The following TEX10 variants were observed in gnomAD, a reference collection of about 807,000 sequenced individuals.
TEX10 encodes testis-expressed protein 10.
TEX10 carries 24 observed loss-of-function variants against 104.4 expected under a neutral mutation model. The ratio of observed to expected loss-of-function variants is 0.23; its 90% CI spans 0.17 to 0.32. The LOEUF (loss-of-function observed/expected upper bound fraction) is 0.32. TEX10 is among the 10% of genes least tolerant of loss of function. The pLI, the probability that TEX10 is intolerant of heterozygous loss-of-function variation, is 1.00. For synonymous variants in TEX10, 396 were observed against 393.4 expected (o/e 1.01, Z -0.08); for missense variants, 921 against 1,083.9 (o/e 0.85, Z 2.11).
chr9:100,309,716 G>A (rs192560158), intron 12 of TEX10, among the ~76,000 whole-genome samples: 27 of 152,342 alleles, frequency 1.8e-4, no homozygotes, highest in African/African-American at 6.0e-4. Flanking sequence ...TGGGAGCCCT[G>A]CTTTGTACTA....
Position 100,302,258 on chromosome 9 carries a change from T to C in TEX10, c.2723A>G (p.His908Arg), listed in dbSNP as rs763136487. The C allele has an allele frequency of 3.7e-6, 6 of 1,613,726 alleles. No individual in the cohort carries two copies. In the Admixed American group the frequency reaches 6.7e-5, roughly 18 times the overall value. The change falls in exon 15 of 15, where the codon CAT becomes CGT. Residue 908 changes from histidine to arginine, a missense_variant. This residue lies in a region of TEX10 where 753 missense variants were observed against 868.4 expected (regional missense o/e 0.87). Coordinates refer to ENST00000374902, the MANE Select transcript of TEX10 (RefSeq NM_017746.4). ...AGTGATATACACGTTGAAGCAGTAATGTAAGTCTGTGAGCCACTGTTCCTG... is the reference window on the plus strand; with the variant it reads ...AGTGATATACACGTTGAAGCAGTAACGTAAGTCTGTGAGCCACTGTTCCTG... ...SVQEQWLTDL[H>R]YCFNVYITGH...
In TEX10 at chr9:100,303,852, CAG is replaced by C. The variant is rs750141035; in HGVS notation, c.2466-12_2466-11del. On this transcript the variant is annotated splice_polypyrimidine_tract_variant and intron_variant, in intron 13 of 14. Transcript: ENST00000374902. The stretch of plus-strand genomic sequence containing the variant: ...CCCCCACAGCTTGTCCCTACAATAA[CAG>C]AGACAGAAATGAGTCAGTGAGCAAA... 1 of 1,613,466 alleles carries C rather than the reference CAG, an allele frequency of 6.2e-7. No individual in the cohort carries two copies. The highest frequency in any genetic ancestry group is 8.5e-7 in the Non-Finnish European group (1 of 1,179,836).
At chr9:100,333,973 C>T (rs926478130) in intron 5 of TEX10, among the ~76,000 whole-genome samples, 2 of 151,686 alleles carry the variant, frequency 1.3e-5, no homozygotes, top group African/African-American at 4.8e-5. Context: ...CAACTGAATA[C>T]AACTAAAGAA....
chr9:100,317,827 G>T (rs1834460884), intron 11 of TEX10, among the ~76,000 whole-genome samples: 1 of 152,086 alleles, frequency 6.6e-6, no homozygotes, highest in South Asian at 2.1e-4. Context: ...AAAAGGATAT[G>T]AATGGGTATT....
At chr9:100,331,517 T>C (rs1834862029) in intron 5 of TEX10, among the ~76,000 whole-genome samples, 2 of 152,154 alleles carry the variant, frequency 1.3e-5, no homozygotes, top group South Asian at 4.1e-4. Context: ...AAAAGATTAA[T>C]CCTAGTTAGT....
At chr9:100,334,224 TG>T (rs1409998549) in intron 5 of TEX10, among the ~76,000 whole-genome samples, 1 of 151,712 alleles carries the variant, frequency 6.6e-6, no homozygotes, top group Non-Finnish European at 1.5e-5. Context: ...ACTGTGAAAT[TG>T]CAGAAAATGA....
chr9:100,335,466 G>A (rs917880293), intron 5 of TEX10, among the ~76,000 whole-genome samples: 1 of 152,136 alleles, frequency 6.6e-6, no homozygotes, highest in Non-Finnish European at 1.5e-5. Flanking sequence ...TCCCAAAAGT[G>A]CTGGGATTAC....
Position 100,347,295 on chromosome 9 carries a change from T to C in TEX10, c.292A>G (p.Asn98Asp), listed in dbSNP as rs1835323395. The C allele has an allele frequency of 6.2e-7, 1 of 1,614,154 alleles. No individual in the cohort carries two copies. The highest frequency in any genetic ancestry group is 8.5e-7 in the Non-Finnish European group (1 of 1,180,006). ...ACAGCAGTCACTTCACTTAATATGT[T>C]TGAAAGGTGTGCATCAATTATAAAT... ...YPFIIDAHLSNILSEVTAVFT... is the reference protein window; with the variant it reads ...YPFIIDAHLSDILSEVTAVFT... The change falls in exon 3 of 15, where the codon AAC (asparagine) becomes GAC (aspartate). Residue 98 changes from asparagine (N) to aspartate (D), a missense_variant. This residue lies in a region of TEX10 where 118 missense variants were observed against 111.3 expected (regional missense o/e 1.06). Transcript: ENST00000374902.
chr9:100,320,153 A>T (rs1834530083), intron 11 of TEX10, 112 bp downstream of exon 11: 3 of 1,039,040 alleles, frequency 2.9e-6, no homozygotes, highest in Admixed American at 3.3e-5. Flanking sequence ...TAAGCACTTT[A>T]AACAAGTATC....
intron 11 of TEX10, among the ~76,000 whole-genome samples, chr9:100,315,156 A>G (rs927136054): frequency 6.6e-6 from 1 of 151,938 alleles, no homozygotes; most frequent in African/African-American, 2.4e-5. Context: ...ATTTGTTGGG[A>G]CTTGTTGTGA....
At chr9:100,321,449 A>C (rs1041327736) in intron 10 of TEX10, among the ~76,000 whole-genome samples, 1 of 152,204 alleles carries the variant, frequency 6.6e-6, no homozygotes, top group African/African-American at 2.4e-5. Context: ...TGATACTCAT[A>C]CTATAAGAGA....
chr9:100,323,458 T>A (rs1834623636), intron 9 of TEX10, among the ~76,000 whole-genome samples: 1 of 152,196 alleles, frequency 6.6e-6, no homozygotes. Flanking sequence ...TTTCCGTATT[T>A]ATGCTTTCTG....
At chr9:100,343,347 A>C (rs1835220155) in intron 4 of TEX10, among the ~76,000 whole-genome samples, 1 of 139,304 alleles carries the variant, frequency 7.2e-6, no homozygotes, top group Non-Finnish European at 1.5e-5. Context: ...AAAAAAAAAA[A>C]AGAAAGAAAG....
chr9:100,309,314 T>C (rs1333476410), intron 12 of TEX10, among the ~76,000 whole-genome samples: 1 of 152,104 alleles, frequency 6.6e-6, no homozygotes, highest in African/African-American at 2.4e-5. Context: ...TAAGGTAGAG[T>C]CTAACTTGTA....
At chr9:100,346,623 C>G in intron 3 of TEX10, 71 bp downstream of exon 3, 7 of 1,450,636 alleles carry the variant, frequency 4.8e-6, no homozygotes, top group Non-Finnish European at 6.5e-6. Flanking sequence ...TTCCCACCAA[C>G]AGTCATCAAT....
chr9:100,318,696 TAGTATA>T (rs1409315857), intron 11 of TEX10, among the ~76,000 whole-genome samples: 4 of 152,258 alleles, frequency 2.6e-5, no homozygotes, highest in African/African-American at 9.6e-5. Context: ...TTTGTGTATT[TAGTATA>T]AGTATTTGTA....
At chr9:100,326,850 A>G (rs965828260) in intron 8 of TEX10, among the ~76,000 whole-genome samples, 7 of 151,992 alleles carry the variant, frequency 4.6e-5, no homozygotes, top group African/African-American at 1.7e-4. Context: ...TGCTGTGTGT[A>G]TATATATATA....
intron 8 of TEX10, 127 bp from the exon 9 acceptor site, chr9:100,326,606 A>C (rs1834711010): frequency 2.3e-6 from 2 of 874,816 alleles, no homozygotes; most frequent in East Asian, 5.5e-5. Flanking sequence ...ATGAATATCA[A>C]TTACATAAAA....
At chr9:100,343,862 G>A (rs1362797693) in intron 4 of TEX10, among the ~76,000 whole-genome samples, 1 of 152,170 alleles carries the variant, frequency 6.6e-6, no homozygotes, top group Non-Finnish European at 1.5e-5. Context: ...AGATTAGGCT[G>A]TGGCCAGGCA....
Sources: gnomAD v4.1 joint callset for allele counts (sites outside exome capture counted in the v4.1 genomes callset) on GRCh38, gnomAD v4.1.1 for gene constraint, gnomAD v4.1.1 regional missense constraint, MANE v1.5 for transcripts, NCBI Gene and HGNC (gene_info 2026-07-23, HGNC 2026-07-21) for gene names.